The following CNTN5 variants were observed in gnomAD, a reference collection of about 807,000 sequenced individuals.
CNTN5 encodes contactin 5, also known as contactin-5.
In CNTN5, 77 loss-of-function variants were observed where a neutral mutation model predicts 129.1. The ratio of observed to expected loss-of-function variants is 0.60; its 90% confidence interval spans 0.50 to 0.72. The LOEUF (loss-of-function observed/expected upper bound fraction) is 0.72. Among genes scored for constraint, CNTN5 ranks in the 30% least tolerant of loss-of-function variants. The probability of loss-of-function intolerance (pLI) is 0.00; values close to 1 mark genes in which losing one functional copy is unlikely to be tolerated. For missense variants in CNTN5, 1,478 were observed against 1,328.8 expected (o/e 1.11, Z -1.75); for synonymous variants, 509 against 465.6 (o/e 1.09, Z -1.20).
At chr11:99,325,922 A>T (rs564776184) in intron 2 of CNTN5, among the ~76,000 whole-genome samples, 1 of 152,324 alleles carries the variant, frequency 6.6e-6, no homozygotes, top group African/African-American at 2.4e-5. Context: ...GACAATGCTT[A>T]AAGTTAAATA....
chr11:99,634,061 G>A (rs1383556158), intron 3 of CNTN5, among the ~76,000 whole-genome samples: 1 of 152,102 alleles, frequency 6.6e-6, no homozygotes, highest in East Asian at 1.9e-4. Flanking sequence ...AGAGATCCTC[G>A]GGTTTGTGTT....
At chr11:99,268,017 A>G (rs1862988969) in intron 1 of CNTN5, among the ~76,000 whole-genome samples, 2 of 151,222 alleles carry the variant, frequency 1.3e-5, no homozygotes, top group African/African-American at 2.4e-5. Flanking sequence ...TGGTGTCCAC[A>G]TGACAGAGGT....
At chr11:99,403,189 A>G (rs997612317) in intron 2 of CNTN5, among the ~76,000 whole-genome samples, 8 of 151,740 alleles carry the variant, frequency 5.3e-5, no homozygotes, top group Admixed American at 3.9e-4. Flanking sequence ...TGTAGTAGAG[A>G]TGGGGTCTCA....
At chr11:99,645,005 G>A (rs1274866012) in intron 3 of CNTN5, among the ~76,000 whole-genome samples, 1 of 151,578 alleles carries the variant, frequency 6.6e-6, no homozygotes, top group Non-Finnish European at 1.5e-5. Flanking sequence ...GGTGGCTTAT[G>A]CCTGTAATCC....
chr11:100,149,494 G>C (rs879540587), intron 13 of CNTN5, among the ~76,000 whole-genome samples: 2 of 151,958 alleles, frequency 1.3e-5, no homozygotes, highest in Non-Finnish European at 2.9e-5. Flanking sequence ...AAAAATTAAA[G>C]GAAAAGTGTT....
At position 100,330,003 on chromosome 11, in the gene CNTN5, T is replaced by C. The variant is rs565446909; in HGVS notation, c.2731-10460T>C. On this transcript the variant is annotated intron_variant, in intron 21 of 24. Transcript: ENST00000524871. ...AATCTCTGCATTGCCACAAAAAGAA[T>C]TCAGAAGGTCAATTACTAAGACAAT... is the stretch of plus-strand genomic sequence containing the variant. 2.0e-5 allele frequency among the ~76,000 whole-genome samples: 3 copies of C among 152,190 alleles called. No individual in the cohort carries two copies. In the East Asian group the frequency reaches 5.8e-4, roughly 29 times the overall value.
At chr11:99,358,023 A>AT (rs1041696220) in intron 2 of CNTN5, among the ~76,000 whole-genome samples, 4 of 147,440 alleles carry the variant, frequency 2.7e-5, no homozygotes, top group African/African-American at 1.0e-4. Flanking sequence ...AATAATAATA[A>AT]AATAAATAAA....
intron 1 of CNTN5, among the ~76,000 whole-genome samples, chr11:99,145,118 G>C (rs980661030): frequency 2.0e-5 from 3 of 152,098 alleles, no homozygotes; most frequent in African/African-American, 7.2e-5. Context: ...CACCCAGGCT[G>C]GAGTGCAGTG....
At chr11:99,740,041 C>T (rs949320417) in intron 3 of CNTN5, among the ~76,000 whole-genome samples, 6 of 143,020 alleles carry the variant, frequency 4.2e-5, no homozygotes, top group Non-Finnish European at 9.2e-5. Flanking sequence ...AAAACATTAT[C>T]AAATACTATA....
chr11:99,452,474 GC>G (rs1257374334), intron 2 of CNTN5, among the ~76,000 whole-genome samples: 2 of 144,888 alleles, frequency 1.4e-5, no homozygotes, highest in African/African-American at 5.1e-5. Flanking sequence ...CCGAGTTCAC[GC>G]CATTCTCCTG....
chr11:99,224,837 A>C (rs903333542), intron 1 of CNTN5, among the ~76,000 whole-genome samples: 10 of 151,676 alleles, frequency 6.6e-5, no homozygotes, highest in South Asian at 2.1e-4. Context: ...CAGAAACATA[A>C]CAACCCATCC....
At chr11:99,614,797 A>C (rs1183984336) in intron 3 of CNTN5, among the ~76,000 whole-genome samples, 3 of 152,050 alleles carry the variant, frequency 2.0e-5, no homozygotes, top group Non-Finnish European at 4.4e-5. Context: ...ATTGTACCCC[A>C]CTTGATAAAT....
intron 8 of CNTN5, among the ~76,000 whole-genome samples, chr11:99,972,579 C>G (rs1951293892): frequency 6.6e-6 from 1 of 151,200 alleles, no homozygotes; most frequent in Non-Finnish European, 1.5e-5. Flanking sequence ...CAGAACCACA[C>G]CCAGCTAGCA....
chr11:99,395,298 C>T (rs540066869), intron 2 of CNTN5, among the ~76,000 whole-genome samples: 28 of 151,684 alleles, frequency 1.8e-4, no homozygotes, highest in East Asian at 3.9e-4. Context: ...TCGGTGGTGT[C>T]GAGCTTTTTT....
intron 2 of CNTN5, among the ~76,000 whole-genome samples, chr11:99,405,388 T>C (rs1316852539): frequency 6.6e-6 from 1 of 152,066 alleles, no homozygotes; most frequent in Non-Finnish European, 1.5e-5. Flanking sequence ...TGTGCTTCAT[T>C]GTTTTAGTTA....
At chr11:100,311,944 G>C (rs893800561) in intron 21 of CNTN5, among the ~76,000 whole-genome samples, 1 of 151,942 alleles carries the variant, frequency 6.6e-6, no homozygotes, top group African/African-American at 2.4e-5. Context: ...GAATATATTT[G>C]AAAACAGAAA....
chr11:99,655,119 G>A (rs994652935), intron 3 of CNTN5, among the ~76,000 whole-genome samples: 2 of 151,978 alleles, frequency 1.3e-5, no homozygotes, highest in Non-Finnish European at 2.9e-5. Flanking sequence ...AAACTGGTAG[G>A]TAGAATTTGG....
intron 20 of CNTN5, among the ~76,000 whole-genome samples, chr11:100,303,336 T>A (rs554676712): frequency 6.6e-6 from 1 of 151,670 alleles, no homozygotes; most frequent in South Asian, 2.1e-4. Context: ...TCAAAATGCA[T>A]GGTAAAACTG....
chr11:100,237,188 CAAAAA>C (rs397977189), intron 16 of CNTN5, among the ~76,000 whole-genome samples: 2 of 71,108 alleles, frequency 2.8e-5, no homozygotes, highest in Non-Finnish European at 5.7e-5. Context: ...GACTCCGTCT[CAAAAA>C]AAAAAAAAAA....
Sources: gnomAD v4.1 joint callset for allele counts (sites outside exome capture counted in the v4.1 genomes callset) on GRCh38, gnomAD v4.1.1 for gene constraint, MANE v1.5 for transcripts, NCBI Gene and HGNC (gene_info 2026-07-23, HGNC 2026-07-21) for gene names.